The following TJP1 variants were observed in gnomAD, a reference collection of about 807,000 sequenced individuals.
TJP1 encodes tight junction protein ZO-1.
TJP1 carries 43 observed loss-of-function variants against 194.2 expected under a neutral mutation model. The observed-to-expected ratio is 0.22, with a 90% confidence interval of 0.17 to 0.29. The LOEUF (loss-of-function observed/expected upper bound fraction) is 0.29. TJP1 is among the 10% of genes least tolerant of loss of function. TJP1 has a pLI of 1.00. For synonymous variants in TJP1, 801 were observed against 779.0 expected (o/e 1.03, Z -0.47); for missense variants, 1,971 against 2,185.7 (o/e 0.90, Z 1.96).
intron 2 of TJP1, among the ~76,000 whole-genome samples, chr15:29,847,531 A>G (rs1567130154): frequency 6.6e-6 from 1 of 152,162 alleles, no homozygotes; most frequent in Admixed American, 6.5e-5. Context: ...CACGCCTGTA[A>G]TCCCAGCACT....
chr15:29,859,642 G>T (rs1373463759), intron 2 of TJP1, among the ~76,000 whole-genome samples: 1 of 152,116 alleles, frequency 6.6e-6, no homozygotes, highest in Non-Finnish European at 1.5e-5. Context: ...ATCTGGGTTG[G>T]GGAGTGGCTG....
chr15:29,914,019 T>C (rs566943016), intron 2 of TJP1, among the ~76,000 whole-genome samples: 2 of 152,164 alleles, frequency 1.3e-5, no homozygotes, highest in Non-Finnish European at 2.9e-5. Flanking sequence ...CACATTCTCA[T>C]GGCATTAGGA....
At position 29,905,678 on chromosome 15, in the gene TJP1, T is replaced by C. The variant is rs115029028; in HGVS notation, c.306+50554A>G. 1.8e-3 allele frequency among the ~76,000 whole-genome samples: 267 copies of C among 152,352 alleles called. 1 individual carries two copies. The highest frequency in any genetic ancestry group is 6.2e-3 in the African/African-American group (256 of 41,584). On this transcript the variant is annotated intron_variant, in intron 2 of 28. Coordinates refer to the TJP1 transcript ENST00000356107. Reference sequence around the variant, plus strand: ...TTATTTACCGCAGTTTAGAATATTATTTAGCAATACAAAGAAATGAGCTAT... The same window carrying C: ...TTATTTACCGCAGTTTAGAATATTACTTAGCAATACAAAGAAATGAGCTAT...
intron 2 of TJP1, among the ~76,000 whole-genome samples, chr15:29,944,613 C>G (rs886981712): frequency 6.6e-6 from 1 of 152,144 alleles, no homozygotes. Context: ...CTAAAGTACA[C>G]GAAACAGCTA....
At chr15:29,956,398 G>T in intron 1 of TJP1, 1 of 1,275,384 alleles carries the variant, frequency 7.8e-7, no homozygotes, top group Non-Finnish European at 1.0e-6. Flanking sequence ...AAAAAGGCAG[G>T]TTTACAGGTG....
chr15:29,780,379 G>A (rs1567012999), intron 2 of TJP1, among the ~76,000 whole-genome samples: 1 of 151,996 alleles, frequency 6.6e-6, no homozygotes, highest in East Asian at 1.9e-4. Context: ...TTGCATGCAT[G>A]GCTCACAACA....
intron 1 of TJP1, among the ~76,000 whole-genome samples, chr15:29,806,830 T>C (rs1567066475): frequency 6.6e-6 from 1 of 152,210 alleles, no homozygotes; most frequent in Non-Finnish European, 1.5e-5. Flanking sequence ...AAAATATGTA[T>C]ATTTGGACTG....
chr15:29,828,896 G>C (rs2050751947), intron 2 of TJP1, among the ~76,000 whole-genome samples: 1 of 152,050 alleles, frequency 6.6e-6, no homozygotes, highest in Non-Finnish European at 1.5e-5. Flanking sequence ...ACAATGCCTG[G>C]CTAGGTTTTT....
intron 8 of TJP1, among the ~76,000 whole-genome samples, chr15:29,746,910 A>G (rs997708474): frequency 2.0e-5 from 3 of 150,828 alleles, no homozygotes; most frequent in African/African-American, 7.4e-5. Context: ...ACAATCTTTT[A>G]GGAAAAAAAA....
chr15:29,860,576 C>T (rs532725828), intron 2 of TJP1, among the ~76,000 whole-genome samples: 80 of 152,214 alleles, frequency 5.3e-4, no homozygotes, highest in Middle Eastern at 3.4e-3. Context: ...TTTCAAGGTT[C>T]CCCCATGTGG....
At chr15:29,732,599 G>C (rs748093782) in intron 14 of TJP1, 32 bp downstream of exon 14, 18 of 1,612,518 alleles carry the variant, frequency 1.1e-5, no homozygotes, top group Admixed American at 3.3e-5. Context: ...GACGTTAAAG[G>C]GTATTAGGTT....
intron 13 of TJP1, 65 bp from the exon 14 acceptor site, chr15:29,732,880 A>G (rs2043760002): frequency 7.1e-7 from 1 of 1,415,656 alleles, no homozygotes; most frequent in Admixed American, 2.6e-5. Flanking sequence ...AAGACCCACA[A>G]TGAAATGAAA....
intron 18 of TJP1, among the ~76,000 whole-genome samples, chr15:29,722,888 CTTTAAGA>C (rs2043018916): frequency 6.6e-6 from 1 of 152,162 alleles, no homozygotes; most frequent in Non-Finnish European, 1.5e-5. Context: ...TATTTTGGAG[CTTTAAGA>C]TTTAATGACT....
chr15:29,720,005 A>C lies in TJP1; in HGVS notation c.2775T>G (p.Ala925=), dbSNP rs376115263. ...FKPASQQKAE[A]SSPVPYLSPE... Reference sequence around the variant, plus strand: ...GCGAAAGGTAAGGGACTGGAGATGAAGCTTCTGCTTTCTGTGAAGTGTTTA... The same window carrying C: ...GCGAAAGGTAAGGGACTGGAGATGACGCTTCTGCTTTCTGTGAAGTGTTTA... Residue 925 remains alanine, a synonymous_variant, in exon 20 of 28, where the codon GCT becomes GCG. Coordinates refer to ENST00000614355, the MANE Select transcript of TJP1 (RefSeq NM_001330239.4). 3.5e-5 allele frequency: 57 copies of C among 1,606,264 alleles called. No homozygotes were observed. In the African/African-American group the frequency reaches 7.4e-4, roughly 21 times the overall value.
rs1249954890 is a variant in TJP1, at chr15:29,700,195, T to G, written c.*1400A>C. On this transcript the variant is annotated 3_prime_UTR_variant, in exon 28 of 28. Coordinates refer to ENST00000614355, the MANE Select transcript of TJP1 (RefSeq NM_001330239.4). The stretch of plus-strand genomic sequence containing the variant: ...ATTTTGGAGATTTAGAAATTTGAGA[T>G]TTTTAATAACGGCAAAAGAAATTCA... The G allele has an allele frequency of 2.5e-6, 1 of 398,806 alleles. No homozygotes were observed. Among genetic ancestry groups the G allele is most frequent in the Non-Finnish European group, 4.4e-6 (1 of 226,028 alleles). The allele number at this position is 398,806 out of a possible 1,614,324, so 24.7% of individuals were successfully genotyped here.
At chr15:29,753,318 C>T (rs142463893) in intron 8 of TJP1, among the ~76,000 whole-genome samples, 1,768 of 151,602 alleles carry the variant, frequency 0.012, 23 homozygotes, top group African/African-American at 0.029. Context: ...CCCGTCTCTA[C>T]TAAAAAACAC....
chr15:29,709,214 G>A (rs1291691837), intron 24 of TJP1, among the ~76,000 whole-genome samples, 178 bp from the exon 25 acceptor site: 1 of 152,148 alleles, frequency 6.6e-6, no homozygotes, highest in Non-Finnish European at 1.5e-5. Flanking sequence ...AGCATGGACA[G>A]GTGGTGCCAT....
At chr15:29,752,369 G>A (rs2045348478) in intron 8 of TJP1, among the ~76,000 whole-genome samples, 1 of 152,146 alleles carries the variant, frequency 6.6e-6, no homozygotes, top group Non-Finnish European at 1.5e-5. Context: ...CTCCCAAAGT[G>A]CTGAGATTAC....
chr15:29,836,641 G>T (rs575572108), intron 2 of TJP1, among the ~76,000 whole-genome samples: 2 of 152,150 alleles, frequency 1.3e-5, no homozygotes, highest in Non-Finnish European at 2.9e-5. Context: ...ACATAACATT[G>T]CTATGGTCTG....
Sources: gnomAD v4.1 joint callset for allele counts (sites outside exome capture counted in the v4.1 genomes callset) on GRCh38, gnomAD v4.1.1 for gene constraint, MANE v1.5 for transcripts, NCBI Gene and HGNC (gene_info 2026-07-23, HGNC 2026-07-21) for gene names.